The following CNGA3 variants were observed in gnomAD, a reference collection of about 807,000 sequenced individuals.
CNGA3 encodes the protein cyclic nucleotide-gated channel alpha-3.
CNGA3 carries 42 observed loss-of-function variants against 46.6 expected under a neutral mutation model. The observed-to-expected ratio is 0.90, with a 90% CI of 0.70 to 1.17. The LOEUF is 1.17. CNGA3 is among the 50% of genes most tolerant of loss of function. The probability of loss-of-function intolerance (pLI) is 0.00; values close to 1 mark genes in which losing one functional copy is unlikely to be tolerated. For missense variants in CNGA3, 893 were observed against 890.7 expected, an observed-to-expected ratio of 1.00 and a Z score of -0.03; for synonymous variants, 394 against 369.4, an observed-to-expected ratio of 1.07 and a Z score of -0.76.
At chr2:98,380,948 C>T (rs1365021991) in intron 4 of CNGA3, among the ~76,000 whole-genome samples, 1 of 151,066 alleles carries the variant, frequency 6.6e-6, no homozygotes, top group Admixed American at 6.6e-5. Flanking sequence ...GGGGAGAGTG[C>T]TTGCTTTCTG....
chr2:98,380,404 C>A (rs991230183), intron 4 of CNGA3, 50 bp downstream of exon 4: 4 of 1,579,826 alleles, frequency 2.5e-6, no homozygotes, highest in Non-Finnish European at 8.6e-7. Flanking sequence ...TGGGGCCAGG[C>A]AGGAAGCCTG....
chr2:98,370,094 G>T lies in CNGA3; in HGVS notation c.101+18G>T. Reference sequence around the variant, plus strand: ...CTCAGCAGGTAAGATGGGCTAAGATGGGCTTTTCATTTTATGCCTGGCTCT... The same window carrying T: ...CTCAGCAGGTAAGATGGGCTAAGATTGGCTTTTCATTTTATGCCTGGCTCT... On this transcript the variant is annotated intron_variant, in intron 2 of 7. Coordinates refer to ENST00000272602, the MANE Select transcript of CNGA3 (RefSeq NM_001298.3). 1 of 1,578,680 alleles carries T rather than the reference G, an allele frequency of 6.3e-7. No individual in the cohort carries two copies. Among genetic ancestry groups the T allele is most frequent in the East Asian group, 2.2e-5 (1 of 44,684 alleles).
rs528121478 is a variant in CNGA3, at chr2:98,389,509, C to T, written c.450-149C>T. 4.3e-5 allele frequency: 32 copies of T among 750,544 alleles called. No individual in the cohort carries two copies. In the South Asian group the frequency reaches 4.8e-4, roughly 11 times the overall value. 46.5% of individuals were successfully genotyped at this position (750,544 alleles called of 1,614,324 possible). On this transcript the variant is annotated intron_variant, in intron 5 of 7. Coordinates refer to ENST00000272602, the MANE Select transcript of CNGA3 (RefSeq NM_001298.3). ...TGGCCTGCCTTCCCCTACAGGGACT[C>T]CCCATGTGACTCCCTTGAGACTAAG...
At chr2:98,380,141 C>T (rs1395190506) in intron 3 of CNGA3, 34 bp from the exon 4 acceptor site, 1 of 1,612,676 alleles carries the variant, frequency 6.2e-7, no homozygotes, top group Admixed American at 1.7e-5. Flanking sequence ...GGCTTTTCCT[C>T]TCCCTCTGGC....
intron 5 of CNGA3, among the ~76,000 whole-genome samples, chr2:98,384,752 C>T (rs2104217148): frequency 6.6e-6 from 1 of 152,260 alleles, no homozygotes; most frequent in East Asian, 1.9e-4. Flanking sequence ...CTGGGGGTTT[C>T]TAGGCATCTT....
chr2:98,350,190 T>A (rs890024779), intron 1 of CNGA3, among the ~76,000 whole-genome samples: 2 of 152,232 alleles, frequency 1.3e-5, no homozygotes, highest in African/African-American at 4.8e-5. Flanking sequence ...ATTTAATCAT[T>A]CTGAGTCTCA....
Position 98,397,377 on chromosome 2 carries a change from T to C in CNGA3, c.*122T>C. 9.8e-7 allele frequency: 1 copy of C among 1,017,360 alleles called. No homozygotes were observed. Among genetic ancestry groups the C allele is most frequent in the Admixed American group, 2.0e-5 (1 of 48,984 alleles). The allele number at this position is 1,017,360 out of a possible 1,614,324, so 63.0% of individuals were successfully genotyped here. ...CCAGCTCTACTCACCCTTTGAAAGC[T>C]GTGTGACTGCCTGAGAGAACCTGTT... On this transcript the variant is annotated 3_prime_UTR_variant, in exon 8 of 8. Transcript: ENST00000272602.
chr2:98,371,035 T>A (rs1692274398), intron 2 of CNGA3, among the ~76,000 whole-genome samples: 3 of 151,988 alleles, frequency 2.0e-5, no homozygotes. Flanking sequence ...ATGTTGGCCA[T>A]GTTGGTCTCG....
chr2:98,390,499 A>G (rs575338132), intron 6 of CNGA3, among the ~76,000 whole-genome samples: 1 of 152,164 alleles, frequency 6.6e-6, no homozygotes, highest in African/African-American at 2.4e-5. Flanking sequence ...TCTCCTAGGA[A>G]ACCTGTTTGT....
At chr2:98,362,472 C>T (rs1287774002) in intron 1 of CNGA3, among the ~76,000 whole-genome samples, 7 of 152,030 alleles carry the variant, frequency 4.6e-5, no homozygotes, top group Admixed American at 3.9e-4. Flanking sequence ...TGAACCACTA[C>T]ACCCGGCCTG....
At chr2:98,357,561 C>G (rs1341515123) in intron 1 of CNGA3, among the ~76,000 whole-genome samples, 2 of 152,180 alleles carry the variant, frequency 1.3e-5, no homozygotes, top group African/African-American at 4.8e-5. Flanking sequence ...ATGTTGTGCT[C>G]TCAATGGCAG....
intron 5 of CNGA3, among the ~76,000 whole-genome samples, chr2:98,384,122 C>T (rs944950179): frequency 9.9e-5 from 15 of 152,078 alleles, no homozygotes; most frequent in African/African-American, 3.6e-4. Context: ...ACCTCCTGAC[C>T]TCGTGATCCA....
chr2:98,384,152 T>G (rs1441786701), intron 5 of CNGA3, among the ~76,000 whole-genome samples: 1 of 152,170 alleles, frequency 6.6e-6, no homozygotes, highest in Non-Finnish European at 1.5e-5. Context: ...GCCTCCAAAG[T>G]GCTAGGATTA....
intron 1 of CNGA3, among the ~76,000 whole-genome samples, chr2:98,357,166 G>A (rs1038128834): frequency 3.3e-5 from 5 of 152,138 alleles, no homozygotes; most frequent in Admixed American, 2.0e-4. Context: ...AAGGCTTTTG[G>A]AGTCAGTAAA....
chr2:98,369,179 C>G (rs1692230446), intron 1 of CNGA3, among the ~76,000 whole-genome samples: 2 of 152,176 alleles, frequency 1.3e-5, no homozygotes, highest in Non-Finnish European at 1.5e-5. Flanking sequence ...GGCCTACGCC[C>G]AGGAATGAAT....
intron 1 of CNGA3, among the ~76,000 whole-genome samples, chr2:98,360,940 A>G (rs1327887414): frequency 6.6e-6 from 1 of 152,164 alleles, no homozygotes; most frequent in East Asian, 1.9e-4. Flanking sequence ...TCAGATTTCA[A>G]TATATTATAA....
intron 1 of CNGA3, among the ~76,000 whole-genome samples, chr2:98,359,714 C>T (rs1431678106): frequency 6.6e-6 from 1 of 152,212 alleles, no homozygotes; most frequent in Non-Finnish European, 1.5e-5. Flanking sequence ...GGAGGCCCTG[C>T]ACACCTGTCT....
chr2:98,367,405 A>G (rs963308287), intron 1 of CNGA3, among the ~76,000 whole-genome samples: 1 of 152,136 alleles, frequency 6.6e-6, no homozygotes, highest in South Asian at 2.1e-4. Context: ...CATGTTAGCC[A>G]GGATGGTCTC....
rs757470958 is a variant in CNGA3, at chr2:98,380,207, G to A, written c.248G>A (p.Trp83Ter). The A allele has an allele frequency of 1.2e-6, 2 of 1,614,096 alleles. No individual in the cohort carries two copies. Among genetic ancestry groups the A allele is most frequent in the African/African-American group, 2.7e-5 (2 of 74,944 alleles). ...LSRLIFLLRR[W>*]AARHVHHQDQ... ...CGCCTCATCTTCTTGCTGCGCAGGTGGGCTGCCAGGCATGTGCACCACCAG... is the reference window on the plus strand; with the variant it reads ...CGCCTCATCTTCTTGCTGCGCAGGTAGGCTGCCAGGCATGTGCACCACCAG... Residue 83 changes from tryptophan (W) to a stop codon, truncating the protein, a stop_gained, in exon 4 of 8, where the codon TGG (tryptophan) becomes TAG (stop). Coordinates refer to ENST00000272602, the MANE Select transcript of CNGA3 (RefSeq NM_001298.3). LOFTEE classifies it high-confidence loss of function.
Sources: allele counts gnomAD v4.1 joint callset (sites outside exome capture counted in the v4.1 genomes callset), GRCh38; gene constraint gnomAD v4.1.1; transcripts MANE v1.5; gene names NCBI Gene and HGNC (gene_info 2026-07-23, HGNC 2026-07-21).